Variants in CCDC33 observed in about 807,000 individuals in gnomAD.
The protein encoded by CCDC33 is coiled-coil domain containing 33.
A neutral mutation model predicts 91.9 loss-of-function variants in CCDC33; 94 were observed. That is an observed-to-expected ratio of 1.02 (90% CI 0.87 to 1.21). CCDC33 has a LOEUF of 1.21. Ranked by LOEUF, CCDC33 falls within the 50% of genes most tolerant of loss-of-function variation. CCDC33 has a pLI of 0.00. For missense variants in CCDC33, 940 were observed against 935.5 expected, an observed-to-expected ratio of 1.00 and a Z score of -0.06; for synonymous variants, 396 against 374.5, an observed-to-expected ratio of 1.06 and a Z score of -0.66.
chr15:74,219,893 C>A (rs2074545007), intron 2 of CCDC33, among the ~76,000 whole-genome samples: 1 of 152,066 alleles, frequency 6.6e-6, no homozygotes, highest in African/African-American at 2.4e-5. Flanking sequence ...AGAAGATGAG[C>A]AGAGATTGGA....
At chr15:74,294,106 C>T (rs1024872369) in intron 10 of CCDC33, among the ~76,000 whole-genome samples, 6 of 152,222 alleles carry the variant, frequency 3.9e-5, no homozygotes, top group African/African-American at 1.4e-4. Flanking sequence ...CATTCATTCC[C>T]TCTCTGGTTG....
At chr15:74,259,659 A>G (rs766283996) in intron 2 of CCDC33, among the ~76,000 whole-genome samples, 49 of 152,120 alleles carry the variant, frequency 3.2e-4, no homozygotes, top group Admixed American at 1.3e-4. Context: ...GAAAGTCAGC[A>G]CCTGCTCCCT....
intron 7 of CCDC33, among the ~76,000 whole-genome samples, chr15:74,273,319 A>G (rs12148897): frequency 0.029 from 4,469 of 152,346 alleles, 87 homozygotes; most frequent in South Asian, 0.061. Flanking sequence ...ATAAGTACCT[A>G]GTTTCCGTTT....
At chr15:74,258,868 C>A (rs1277719311) in intron 2 of CCDC33, among the ~76,000 whole-genome samples, 1 of 152,152 alleles carries the variant, frequency 6.6e-6, no homozygotes, top group Non-Finnish European at 1.5e-5. Context: ...TGTTCCCTCC[C>A]ACTCACAGCT....
chr15:74,329,224 A>G (rs141590593), intron 11 of CCDC33, among the ~76,000 whole-genome samples: 129 of 152,222 alleles, frequency 8.5e-4, no homozygotes, highest in African/African-American at 3.0e-3. Context: ...TGGGGATTGC[A>G]CTGATCATTC....
At chr15:74,272,680 T>C (rs76265999) in intron 6 of CCDC33, 91 bp from the exon 7 acceptor site, 77,480 of 1,519,428 alleles carry the variant, frequency 0.051, 2,566 homozygotes, top group African/African-American at 0.14. Flanking sequence ...TCCCTTCTCT[T>C]GCATCAACCC....
In CCDC33 at chr15:74,236,545, G is replaced by T; in HGVS notation, c.-175G>T. ...CCTCCCCCCACATCCAGGCCCCAGG[G>T]CTGGTGTGTGGCACCCCTGAGACCA... On this transcript the variant is annotated 5_prime_UTR_variant, in exon 1 of 19. Coordinates refer to ENST00000398814, the MANE Select transcript of CCDC33 (RefSeq NM_025055.5). 2.2e-6 allele frequency: 1 copy of T among 457,824 alleles called. No homozygotes were observed. The highest frequency in any genetic ancestry group is 3.8e-5 in the South Asian group (1 of 26,536). The allele number at this position is 457,824 out of a possible 1,614,324, so 28.4% of individuals were successfully genotyped here.
At position 74,335,985 on chromosome 15, in the gene CCDC33, A is replaced by C. The variant is rs764041057; in HGVS notation, c.2200A>C (p.Ser734Arg). Residue 734 changes from serine (S) to arginine (R), a missense_variant, in exon 19 of 19, where the codon AGC (serine) becomes CGC (arginine). Coordinates refer to ENST00000398814, the MANE Select transcript of CCDC33 (RefSeq NM_025055.5). The part of the protein sequence containing the change: ...QPSELEPLLP[S>R]SDSKLNKPLS... The stretch of plus-strand genomic sequence containing the variant: ...CTCAGAGCTGGAGCCCCTGCTGCCC[A>C]GCTCAGACTCTAAGCTCAACAAGCC... 6.2e-7 allele frequency: 1 copy of C among 1,614,034 alleles called. No individual in the cohort carries two copies. The highest frequency in any genetic ancestry group is 8.5e-7 in the Non-Finnish European group (1 of 1,180,006).
At chr15:74,255,656 A>C (rs2142337119) in intron 2 of CCDC33, among the ~76,000 whole-genome samples, 1 of 152,328 alleles carries the variant, frequency 6.6e-6, no homozygotes, top group Admixed American at 6.5e-5. Flanking sequence ...GTGGCTAACA[A>C]AACCAGACCT....
intron 7 of CCDC33, among the ~76,000 whole-genome samples, chr15:74,279,753 T>G (rs1293923143): frequency 6.6e-6 from 1 of 152,190 alleles, no homozygotes; most frequent in East Asian, 1.9e-4. Flanking sequence ...GCCAGGCTGG[T>G]CTTGAACTCC....
intron 1 of CCDC33, among the ~76,000 whole-genome samples, chr15:74,238,567 A>G (rs2075252849): frequency 6.6e-6 from 1 of 152,208 alleles, no homozygotes; most frequent in Non-Finnish European, 1.5e-5. Context: ...TTAAATATGC[A>G]GCAAACATTT....
Position 74,244,823 on chromosome 15 carries a change from A to G in CCDC33, c.185+675A>G, listed in dbSNP as rs1441709281. The stretch of plus-strand genomic sequence containing the variant: ...GCTGGGGACACTGAATATTTGCTCA[A>G]TCTTTATTATAAAGCACCCTCCAAG... On this transcript the variant is annotated intron_variant, in intron 2 of 18. Coordinates refer to ENST00000398814, the MANE Select transcript of CCDC33 (RefSeq NM_025055.5). This position sits in a 1 kb window ranked among gnomAD's most constrained non-coding sequence, Gnocchi z 4.2. 6.6e-6 allele frequency among the ~76,000 whole-genome samples: 1 copy of G among 152,152 alleles called. No homozygotes were observed. Among genetic ancestry groups the G allele is most frequent in the African/African-American group, 2.4e-5 (1 of 41,440 alleles).
intron 2 of CCDC33, among the ~76,000 whole-genome samples, chr15:74,245,516 G>A (rs564809633): frequency 1.3e-3 from 198 of 152,328 alleles, no homozygotes; most frequent in Non-Finnish European, 2.3e-3. Context: ...ACCAATTATC[G>A]CCGATCATCT....
At chr15:74,319,342 G>A (rs1472626571) in intron 11 of CCDC33, among the ~76,000 whole-genome samples, 1 of 152,210 alleles carries the variant, frequency 6.6e-6, no homozygotes, top group Non-Finnish European at 1.5e-5. Context: ...GTTCCAGCCA[G>A]GGCTCTTCCC....
chr15:74,303,000 C>T (rs1339745541), intron 11 of CCDC33: 1 of 152,356 alleles, frequency 6.6e-6, no homozygotes, highest in East Asian at 1.9e-4. Flanking sequence ...GGTCCTGCCC[C>T]CAGACCCACA....
intron 18 of CCDC33, 62 bp downstream of exon 18, chr15:74,335,150 C>A (rs777897231): frequency 3.9e-6 from 5 of 1,286,490 alleles, no homozygotes; most frequent in Middle Eastern, 3.7e-4. Context: ...AGCCACCGCA[C>A]CCCCAAAGTC....
intron 7 of CCDC33, among the ~76,000 whole-genome samples, chr15:74,275,958 C>T (rs565696278): frequency 1.3e-5 from 2 of 152,290 alleles, no homozygotes; most frequent in East Asian, 3.9e-4. Flanking sequence ...CCTGAGGCAC[C>T]GCACCCAGCA....
intron 5 of CCDC33, among the ~76,000 whole-genome samples, chr15:74,269,648 T>C (rs897183573): frequency 2.0e-5 from 3 of 152,198 alleles, no homozygotes; most frequent in African/African-American, 7.2e-5. Context: ...GGCAGAACTT[T>C]AGGGCTGCTG....
intron 1 of CCDC33, chr15:74,207,854 G>T (rs955722246): frequency 1.3e-6 from 2 of 1,527,008 alleles, no homozygotes; most frequent in African/African-American, 2.7e-5. Context: ...TCTGGCACCA[G>T]ACCAAGTCTG....
Sources: gnomAD v4.1 joint callset for allele counts (sites outside exome capture counted in the v4.1 genomes callset) on GRCh38, gnomAD v4.1.1 for gene constraint, Gnocchi (gnomAD v3.1) non-coding constraint, MANE v1.5 for transcripts, NCBI Gene and HGNC (gene_info 2026-07-23, HGNC 2026-07-21) for gene names.